Variants in PTPRM observed in about 807,000 individuals in gnomAD.
PTPRM encodes the protein receptor-type tyrosine-protein phosphatase mu.
PTPRM carries 47 observed loss-of-function variants against 186.7 expected under a neutral mutation model. That is an observed-to-expected ratio of 0.25 (90% confidence interval 0.20 to 0.32). PTPRM has a LOEUF of 0.32. Among genes scored for constraint, PTPRM ranks in the 10% least tolerant of loss-of-function variants. The pLI is 1.00. For missense variants in PTPRM, 1,494 were observed against 1,865.0 expected (o/e 0.80, Z 3.66); for synonymous variants, 668 against 674.9 (o/e 0.99, Z 0.16).
chr18:7,766,083 T>G (rs2042002603), intron 1 of PTPRM, among the ~76,000 whole-genome samples: 1 of 152,184 alleles, frequency 6.6e-6, no homozygotes, highest in Non-Finnish European at 1.5e-5. Flanking sequence ...CACTGAACAG[T>G]TCGTATATAA....
chr18:7,629,303 T>C (rs1249993014), intron 1 of PTPRM, among the ~76,000 whole-genome samples: 1 of 152,202 alleles, frequency 6.6e-6, no homozygotes, highest in African/African-American at 2.4e-5. Flanking sequence ...TTTAGCCTCG[T>C]GGATGTGGTC....
At chr18:7,829,402 A>T (rs2045649882) in intron 2 of PTPRM, among the ~76,000 whole-genome samples, 1 of 152,202 alleles carries the variant, frequency 6.6e-6, no homozygotes, top group Non-Finnish European at 1.5e-5. Context: ...CTAGCTAATC[A>T]ACGTATTTGT....
intron 2 of PTPRM, among the ~76,000 whole-genome samples, chr18:7,866,462 C>T (rs377061406): frequency 6.2e-4 from 94 of 152,202 alleles, no homozygotes; most frequent in East Asian, 1.4e-3. Flanking sequence ...GCCATTCAGG[C>T]GCAGATTGTT....
chr18:7,706,607 A>G (rs2040096174), intron 1 of PTPRM, among the ~76,000 whole-genome samples: 1 of 146,610 alleles, frequency 6.8e-6, no homozygotes, highest in Non-Finnish European at 1.5e-5. Flanking sequence ...GTCTCAAAAA[A>G]AAAAAAAAAA....
intron 17 of PTPRM, chr18:8,248,406 G>A (rs563134094): frequency 1.7e-6 from 1 of 600,030 alleles, no homozygotes; most frequent in South Asian, 1.8e-5. Flanking sequence ...GATACCAACA[G>A]GTTCAAATGA....
intron 31 of PTPRM, 129 bp from the exon 32 acceptor site, chr18:8,394,347 A>G (rs2095834826): frequency 8.9e-6 from 9 of 1,014,410 alleles, no homozygotes; most frequent in Non-Finnish European, 1.2e-5. Flanking sequence ...CCCAGGTAAG[A>G]GGTCCCCCGG....
chr18:8,079,023 G>C (rs534196851), intron 9 of PTPRM, among the ~76,000 whole-genome samples: 6 of 152,330 alleles, frequency 3.9e-5, no homozygotes, highest in African/African-American at 1.2e-4. Flanking sequence ...TGAATATGCT[G>C]TAGCTTTAGA....
At chr18:7,625,596 G>T (rs1396161106) in intron 1 of PTPRM, among the ~76,000 whole-genome samples, 1 of 152,044 alleles carries the variant, frequency 6.6e-6, no homozygotes. Flanking sequence ...GTGCAGTGGC[G>T]TGATCTCGGC....
intron 14 of PTPRM, among the ~76,000 whole-genome samples, chr18:8,193,270 C>T (rs544137657): frequency 6.6e-6 from 1 of 152,266 alleles, no homozygotes; most frequent in East Asian, 1.9e-4. Flanking sequence ...TGTTATACTG[C>T]TCCTTTGCCT....
intron 2 of PTPRM, among the ~76,000 whole-genome samples, chr18:7,884,602 G>T (rs1298096820): frequency 6.6e-6 from 1 of 152,116 alleles, no homozygotes; most frequent in Non-Finnish European, 1.5e-5. Flanking sequence ...AGCCTCTCAT[G>T]AATTTCACAA....
intron 1 of PTPRM, among the ~76,000 whole-genome samples, chr18:7,602,121 T>C (rs1157419280): frequency 6.6e-6 from 1 of 152,170 alleles, no homozygotes; most frequent in Non-Finnish European, 1.5e-5. Context: ...GAATCAGCAA[T>C]GAATTGGCCG....
At chr18:7,591,582 T>C (rs1029711158) in intron 1 of PTPRM, among the ~76,000 whole-genome samples, 1 of 152,254 alleles carries the variant, frequency 6.6e-6, no homozygotes, top group Non-Finnish European at 1.5e-5. Flanking sequence ...AGCCAACTTA[T>C]TCTTTTTACT....
intron 22 of PTPRM, among the ~76,000 whole-genome samples, chr18:8,330,928 AGCAGTGTCTC>A: frequency 6.6e-6 from 1 of 152,160 alleles, no homozygotes; most frequent in African/African-American, 2.4e-5. Context: ...TCCCTCTGGA[AGCAGTGTCTC>A]TATCTCTGCA....
chr18:8,377,177 A>T (rs747118617), intron 26 of PTPRM: 1 of 152,298 alleles, frequency 6.6e-6, no homozygotes, highest in Non-Finnish European at 1.5e-5. Context: ...CTCTTAGGAC[A>T]TTCGTATTTT....
At chr18:7,986,934 G>A (rs1167126023) in intron 7 of PTPRM, among the ~76,000 whole-genome samples, 1 of 152,104 alleles carries the variant, frequency 6.6e-6, no homozygotes, top group Non-Finnish European at 1.5e-5. Flanking sequence ...ACCATGGGAG[G>A]ACACAGGGAG....
chr18:7,568,042 C>T lies in PTPRM; in HGVS notation c.73+151C>T. ...CCGGACACCGCTTCTGCCTGTGAGC[C>T]GGGCGCTGGGCGAGGGGCCGTGGGG... is the stretch of plus-strand genomic sequence containing the variant. On this transcript the variant is annotated intron_variant, in intron 1 of 32. Transcript: ENST00000580170. The surrounding 1 kb of genome is among the most constrained non-coding windows in gnomAD (Gnocchi z 5.1). 1 of 741,846 alleles carries T rather than the reference C, an allele frequency of 1.3e-6. No individual in the cohort carries two copies. The highest frequency in any genetic ancestry group is 1.9e-6 in the Non-Finnish European group (1 of 530,786). The allele number at this position is 741,846 out of a possible 1,614,324, so 46.0% of individuals were successfully genotyped here. A position where few individuals can be genotyped will look rare whatever the true frequency, so the allele number is the denominator to read the frequency against.
intron 20 of PTPRM, among the ~76,000 whole-genome samples, chr18:8,311,111 A>C (rs2095264809): frequency 6.6e-6 from 1 of 152,104 alleles, no homozygotes; most frequent in African/African-American, 2.4e-5. Context: ...TGGTTCCAGA[A>C]CAGCCTGGTC....
chr18:8,405,547 T>C (rs2095901045), intron 32 of PTPRM, among the ~76,000 whole-genome samples: 1 of 152,194 alleles, frequency 6.6e-6, no homozygotes, highest in Non-Finnish European at 1.5e-5. Context: ...TGTGTTGTCA[T>C]TGGGTTACCT....
intron 19 of PTPRM, among the ~76,000 whole-genome samples, chr18:8,260,588 A>G (rs2094619837): frequency 6.6e-6 from 1 of 152,062 alleles, no homozygotes; most frequent in East Asian, 1.9e-4. Flanking sequence ...AACACCTCCC[A>G]CTAGGCCCCA....
Sources: allele counts gnomAD v4.1 joint callset (sites outside exome capture counted in the v4.1 genomes callset), GRCh38; gene constraint gnomAD v4.1.1; non-coding constraint Gnocchi (gnomAD v3.1); transcripts MANE v1.5; gene names NCBI Gene and HGNC (gene_info 2026-07-23, HGNC 2026-07-21).